SMARCA4: variants seen among roughly 807,000 people sequenced by gnomAD.
SMARCA4 encodes SWI/SNF related BAF chromatin remodeling complex subunit ATPase 4.
SMARCA4 carries 31 observed loss-of-function variants against 193.9 expected under a neutral mutation model. That is an observed-to-expected ratio of 0.16 (90% confidence interval 0.12 to 0.22). SMARCA4 has a LOEUF of 0.22. SMARCA4 is among the 10% of genes least tolerant of loss of function. The pLI, the probability that SMARCA4 is intolerant of heterozygous loss-of-function variation, is 1.00. For synonymous variants in SMARCA4, 942 were observed against 933.1 expected (o/e 1.01, Z -0.17); for missense variants, 1,148 against 2,296.0 (o/e 0.50, Z 10.22).
Position 10,985,520 on chromosome 19 carries a change from C to T in SMARCA4, c.355+115C>T. On this transcript the variant is annotated intron_variant, in intron 3 of 34. Transcript: ENST00000344626. The surrounding 1 kb of genome is among the most constrained non-coding windows in gnomAD (Gnocchi z 4.5). ...TCAGGGAGTACCTAGGATGATGTAG[C>T]CGGGTGGGTGGCCCGCCACAGAGAG... 7.6e-7 allele frequency: 1 copy of T among 1,319,464 alleles called. No individual in the cohort carries two copies. Among genetic ancestry groups the T allele is most frequent in the South Asian group, 1.3e-5 (1 of 78,000 alleles). The allele number at this position is 1,319,464 out of a possible 1,614,324, so 81.7% of individuals were successfully genotyped here.
intron 24 of SMARCA4, among the ~76,000 whole-genome samples, chr19:11,029,294 T>C (rs2146570933): frequency 6.6e-6 from 1 of 152,356 alleles, no homozygotes; most frequent in Middle Eastern, 3.4e-3. Flanking sequence ...GTCGTGTCCC[T>C]GACTCCCCCA....
chr19:11,024,327 G>A lies in SMARCA4; in HGVS notation c.2974-4G>A, dbSNP rs766593089. On this transcript the variant is annotated splice_region_variant and splice_polypyrimidine_tract_variant and intron_variant, in intron 20 of 34. Coordinates refer to ENST00000344626, the MANE Select transcript of SMARCA4 (RefSeq NM_003072.5). ...CCCTCGTGAGCATTATGTGTCCCCTGCAGGTGGAGTACGTCATCAAGTGCG... is the reference window on the plus strand; with the variant it reads ...CCCTCGTGAGCATTATGTGTCCCCTACAGGTGGAGTACGTCATCAAGTGCG... 2.6e-5 allele frequency: 41 copies of A among 1,605,392 alleles called. No homozygotes were observed. The Admixed American group carries it at 6.3e-4, about 25-fold the overall frequency.
chr19:11,062,080 G>A lies in SMARCA4; in HGVS notation c.*264G>A. ...CCGAATTGGGGAACACACGATACCT[G>A]TTTTTCTTTTCCGTTGCTGGCAGTA... On this transcript the variant is annotated 3_prime_UTR_variant, in exon 35 of 35. Coordinates refer to ENST00000344626, the MANE Select transcript of SMARCA4 (RefSeq NM_003072.5). The A allele has an allele frequency of 1.8e-6, 1 of 555,788 alleles. No individual in the cohort carries two copies. Among genetic ancestry groups the A allele is most frequent in the South Asian group, 2.1e-5 (1 of 48,434 alleles). The allele number at this position is 555,788 out of a possible 1,614,324, so 34.4% of individuals were successfully genotyped here. A position where few individuals can be genotyped will look rare whatever the true frequency, so the allele number is the denominator to read the frequency against.
chr19:10,980,665 A>G (rs1163287106), intron 1 of SMARCA4: 2 of 151,902 alleles, frequency 1.3e-5, no homozygotes, highest in East Asian at 3.9e-4. Context: ...GAGGAGAGCT[A>G]TAATTTCAGT....
Position 11,047,081 on chromosome 19 carries a change from G to A in SMARCA4, c.4424+5521G>A, listed in dbSNP as rs148835415. On this transcript the variant is annotated intron_variant, in intron 30 of 34. Transcript: ENST00000344626. ...TCTTAACTAAATTTGAAGCTGTGAG[G>A]GAAGACAAACTCAGGGTCCACAGGG... Among the ~76,000 whole-genome samples the A allele has an allele frequency of 4.0e-3, 610 of 152,230 alleles. 1 individual carries two copies. The highest frequency in any genetic ancestry group is 0.017 in the Middle Eastern group (5 of 294).
In SMARCA4 at chr19:10,961,058, TGGC is replaced by T. The variant is rs964975066; in HGVS notation, c.-135_-133del. ...CGCGCGCGCGAGGCTTCCCCTCGTT[TGGC>T]GGCGGCGGCGGCTTCTTTGTTTCGT... is the stretch of plus-strand genomic sequence containing the variant. On this transcript the variant is annotated 5_prime_UTR_variant, in exon 1 of 35. Transcript: ENST00000344626. 4 of 148,976 alleles carry T rather than the reference TGGC, an allele frequency of 2.7e-5. No homozygotes were observed. The highest frequency in any genetic ancestry group is 1.9e-4 in the South Asian group (1 of 5,232). 9.2% of individuals were successfully genotyped at this position (148,976 alleles called of 1,614,324 possible).
At chr19:11,047,953 T>C (rs112883277) in intron 30 of SMARCA4, among the ~76,000 whole-genome samples, 42 of 152,252 alleles carry the variant, frequency 2.8e-4, no homozygotes, top group African/African-American at 9.4e-4. Context: ...GAAGTTACAT[T>C]CTTTTTTATT....
intron 14 of SMARCA4, among the ~76,000 whole-genome samples, chr19:11,009,007 CTTT>C (rs762148337): frequency 1.4e-3 from 59 of 40,936 alleles, no homozygotes; most frequent in Admixed American, 9.8e-3. Context: ...ATAAAAGTCA[CTTT>C]TTTTTTTTTT....
rs549728988 is a variant in SMARCA4 at position 11,048,415 on chromosome 19, T to C, written c.4424+6855T>C. Among the ~76,000 whole-genome samples the C allele has an allele frequency of 2.0e-5, 3 of 152,318 alleles. No individual in the cohort carries two copies. In the South Asian group the frequency reaches 6.2e-4, roughly 32 times the overall value. Reference sequence around the variant, plus strand: ...ATGCCTGGCCGGAATTTTTGTTTTTTAGTTGGCTCTCCAGAACCCTCTAAG... The same window carrying C: ...ATGCCTGGCCGGAATTTTTGTTTTTCAGTTGGCTCTCCAGAACCCTCTAAG... On this transcript the variant is annotated intron_variant, in intron 30 of 34. Coordinates refer to ENST00000344626, the MANE Select transcript of SMARCA4 (RefSeq NM_003072.5).
At position 11,006,955 on chromosome 19, in the gene SMARCA4, T is replaced by C. The variant is rs541630462; in HGVS notation, c.2002-947T>C. On this transcript the variant is annotated intron_variant, in intron 13 of 34. Coordinates refer to ENST00000344626, the MANE Select transcript of SMARCA4 (RefSeq NM_003072.5). ...CAAAACAATTAGCCAAGTGTCATAG[T>C]GCACGCCTGTGGTCCCAGCTACTCG... Among the ~76,000 whole-genome samples, 18 of 151,864 alleles carry C rather than the reference T, an allele frequency of 1.2e-4. No individual in the cohort carries two copies. In the South Asian group the frequency reaches 3.1e-3, roughly 26 times the overall value.
In SMARCA4 at chr19:11,062,055, C is replaced by A. The variant is rs2076925855; in HGVS notation, c.*239C>A. 8.6e-6 allele frequency: 5 copies of A among 584,118 alleles called. No homozygotes were observed. The South Asian group carries it at 1.0e-4, about 12-fold the overall frequency. The allele number at this position is 584,118 out of a possible 1,614,324, so 36.2% of individuals were successfully genotyped here. Reference sequence around the variant, plus strand: ...GTCTTAAAGAGAGAGAGAGAGAATTCCGAATTGGGGAACACACGATACCTG... The same window carrying A: ...GTCTTAAAGAGAGAGAGAGAGAATTACGAATTGGGGAACACACGATACCTG... On this transcript the variant is annotated 3_prime_UTR_variant, in exon 35 of 35. Coordinates refer to ENST00000344626, the MANE Select transcript of SMARCA4 (RefSeq NM_003072.5).
At chr19:10,983,768 T>C in intron 1 of SMARCA4, 1 of 328,106 alleles carries the variant, frequency 3.0e-6, no homozygotes, top group Non-Finnish European at 5.9e-6. Flanking sequence ...TCCTGTTCTT[T>C]CTGTTAGGAA....
intron 15 of SMARCA4, 183 bp from the exon 16 acceptor site, chr19:11,012,766 A>T (rs1225266576): frequency 1.5e-6 from 1 of 669,194 alleles, no homozygotes; most frequent in African/African-American, 1.8e-5. Context: ...ATTGCTAAGG[A>T]TGAGGCTAAG....
intron 22 of SMARCA4, among the ~76,000 whole-genome samples, chr19:11,026,049 G>C (rs1600317708): frequency 6.6e-6 from 1 of 152,222 alleles, no homozygotes; most frequent in African/African-American, 2.4e-5. Flanking sequence ...TGACGTCCTC[G>C]TGCATTCAGG....
chr19:11,061,589 G>T (rs1437766841), intron 34 of SMARCA4, among the ~76,000 whole-genome samples, 195 bp from the exon 35 acceptor site: 3 of 152,164 alleles, frequency 2.0e-5, no homozygotes, highest in Admixed American at 6.5e-5. Flanking sequence ...TGTTAGCCAG[G>T]ATGGTCTCGA....
Position 10,984,227 on chromosome 19 carries a change from G to A in SMARCA4, c.76G>A (p.Ala26Thr), listed in dbSNP as rs145867502. 339 of 1,612,686 alleles carry A rather than the reference G, an allele frequency of 2.1e-4. No homozygotes were observed. In the African/African-American group the frequency reaches 3.6e-3, roughly 17 times the overall value. The change falls in exon 2 of 35, where the codon GCC becomes ACC. Residue 26 changes from alanine (A) to threonine (T), a missense_variant. By Grantham distance (58) the Ala-to-Thr change is moderately conservative (BLOSUM62 0). This residue lies in a region of SMARCA4 where 201 missense variants were observed against 248.3 expected (regional missense o/e 0.81). Coordinates refer to ENST00000344626, the MANE Select transcript of SMARCA4 (RefSeq NM_003072.5). This position sits in a 1 kb window ranked among gnomAD's most constrained non-coding sequence, Gnocchi z 4.3. ...PSPGPGPSPG[A>T]MLGPSPGPSP... ...CCCGGGCCCTGGCCCTTCCCCTGGAGCCATGCTGGGCCCTAGCCCGGGTCC... is the reference window on the plus strand; with the variant it reads ...CCCGGGCCCTGGCCCTTCCCCTGGAACCATGCTGGGCCCTAGCCCGGGTCC...
At position 10,984,002 on chromosome 19, in the gene SMARCA4, G is replaced by A. The variant is rs2085787111; in HGVS notation, c.-31-119G>A. The A allele has an allele frequency of 2.7e-6, 2 of 744,136 alleles. No homozygotes were observed. The highest frequency in any genetic ancestry group is 4.7e-6 in the Non-Finnish European group (2 of 424,354). 46.1% of individuals were successfully genotyped at this position (744,136 alleles called of 1,614,324 possible). ...AGAAACGGTTTGGGTGGCTGGTGGG[G>A]AAGGTACTGGCTTCCTGTGGGATGT... On this transcript the variant is annotated intron_variant, in intron 1 of 34. Transcript: ENST00000344626. This position sits in a 1 kb window ranked among gnomAD's most constrained non-coding sequence, Gnocchi z 4.3.
intron 30 of SMARCA4, among the ~76,000 whole-genome samples, chr19:11,045,310 A>C (rs2075838826): frequency 6.6e-6 from 1 of 150,534 alleles, no homozygotes; most frequent in African/African-American, 2.4e-5. Context: ...ACAGAGCGGG[A>C]CTCCGTCTAA....
At chr19:10,966,842 C>T (rs776337879) in intron 1 of SMARCA4, among the ~76,000 whole-genome samples, 2 of 147,810 alleles carry the variant, frequency 1.4e-5, no homozygotes, top group African/African-American at 5.0e-5. Flanking sequence ...GAGCCGAGAT[C>T]GTGCCGCTGC....
Sources: allele counts gnomAD v4.1 joint callset (sites outside exome capture counted in the v4.1 genomes callset), GRCh38; gene constraint gnomAD v4.1.1; regional missense constraint gnomAD v4.1.1; non-coding constraint Gnocchi (gnomAD v3.1); transcripts MANE v1.5; gene names NCBI Gene and HGNC (gene_info 2026-07-23, HGNC 2026-07-21).